KAZN: variants seen among roughly 807,000 people sequenced by gnomAD.
KAZN encodes the protein kazrin, periplakin interacting protein.
KAZN carries 40 observed loss-of-function variants against 87.4 expected under a neutral mutation model. That is an observed-to-expected ratio of 0.46 (90% CI 0.36 to 0.60). The LOEUF is 0.60. Among genes scored for constraint, KAZN ranks in the 20% least tolerant of loss-of-function variants. The pLI is 0.00. For missense variants in KAZN, 898 were observed against 1,073.9 expected (o/e 0.84, Z 2.29); for synonymous variants, 466 against 458.3 (o/e 1.02, Z -0.22).
chr1:14,798,416 CTTTTTTTTTTTTTT>C (rs545959773), intron 1 of KAZN, among the ~76,000 whole-genome samples: 4 of 88,148 alleles, frequency 4.5e-5, no homozygotes, highest in Admixed American at 1.6e-4. Context: ...TGTTTCTTTC[CTTTTTTTTTTTTTT>C]TTTTTTTTTT....
At chr1:14,487,273 A>G (rs145439836) in intron 2 of KAZN, among the ~76,000 whole-genome samples, 280 of 152,342 alleles carry the variant, frequency 1.8e-3, no homozygotes, top group African/African-American at 6.5e-3. Context: ...TTTTCCATAT[A>G]GCTAACTAAA....
chr1:14,171,944 A>G (rs1645962817), intron 1 of KAZN, among the ~76,000 whole-genome samples: 2 of 152,038 alleles, frequency 1.3e-5, no homozygotes, highest in Non-Finnish European at 1.5e-5. Flanking sequence ...TTTGCTAATG[A>G]CACAAAATGT....
chr1:14,093,578 G>A (rs1487094823), intron 1 of KAZN, among the ~76,000 whole-genome samples: 1 of 151,950 alleles, frequency 6.6e-6, no homozygotes, highest in Non-Finnish European at 1.5e-5. Flanking sequence ...CACTGTCCAA[G>A]AAAAGCCCTG....
chr1:13,983,028 G>A (rs1194456435), intron 1 of KAZN, among the ~76,000 whole-genome samples: 1 of 152,194 alleles, frequency 6.6e-6, no homozygotes, highest in East Asian at 1.9e-4. Flanking sequence ...GCCCATTGGT[G>A]TATTTACAAT....
chr1:14,788,947 AGTTACCTTTACCTGGGAAG>A (rs1645592376), intron 1 of KAZN, among the ~76,000 whole-genome samples: 1 of 152,148 alleles, frequency 6.6e-6, no homozygotes, highest in Non-Finnish European at 1.5e-5. Context: ...TTACAAACGC[AGTTACCTTTACCTGGGAAG>A]GTTACCTTTA....
intron 1 of KAZN, among the ~76,000 whole-genome samples, chr1:14,751,365 C>T (rs2100492158): frequency 6.6e-6 from 1 of 152,318 alleles, no homozygotes; most frequent in Admixed American, 6.5e-5. Flanking sequence ...AGTTACCTTC[C>T]TTGTCATTGA....
chr1:14,233,416 T>C (rs1407296182), intron 2 of KAZN, among the ~76,000 whole-genome samples: 1 of 152,220 alleles, frequency 6.6e-6, no homozygotes, highest in Non-Finnish European at 1.5e-5. Flanking sequence ...ATTGCAGGTG[T>C]GAGCCACTGC....
intron 1 of KAZN, among the ~76,000 whole-genome samples, chr1:14,629,244 T>C (rs1557848733): frequency 6.6e-6 from 1 of 152,062 alleles, no homozygotes. Flanking sequence ...GGTGTTGGGG[T>C]TGGCGTGTGT....
At chr1:14,316,250 G>T (rs1364628771) in intron 2 of KAZN, among the ~76,000 whole-genome samples, 2 of 151,944 alleles carry the variant, frequency 1.3e-5, no homozygotes, top group African/African-American at 4.8e-5. Context: ...GTTTTCAGTT[G>T]TAAGAGTTCT....
chr1:14,468,637 G>A (rs1668288390), intron 2 of KAZN, among the ~76,000 whole-genome samples: 1 of 152,172 alleles, frequency 6.6e-6, no homozygotes, highest in Non-Finnish European at 1.5e-5. Flanking sequence ...TTTGCCCTGG[G>A]CATGAACATT....
In KAZN at chr1:14,208,838, A is replaced by T. The variant is rs115714588; in HGVS notation, c.249+28246A>T. Among the ~76,000 whole-genome samples the T allele has an allele frequency of 8.3e-3, 1,261 of 152,254 alleles. 18 individuals are homozygous for T. The highest frequency in any genetic ancestry group is 0.029 in the African/African-American group (1,221 of 41,540). Reference sequence around the variant, plus strand: ...GGGTTGAGTCACGGCCTATGGTCTTACCTCTCCAAGAGTTGCTTCTTCAAT... The same window carrying T: ...GGGTTGAGTCACGGCCTATGGTCTTTCCTCTCCAAGAGTTGCTTCTTCAAT... On this transcript the variant is annotated intron_variant, in intron 2 of 16. Coordinates refer to the KAZN transcript ENST00000636203.
intron 1 of KAZN, among the ~76,000 whole-genome samples, chr1:14,936,733 A>G (rs1414735992): frequency 6.6e-6 from 1 of 152,150 alleles, no homozygotes; most frequent in Admixed American, 6.5e-5. Flanking sequence ...ATTCTGGAAG[A>G]GGGTTTTTTT....
At chr1:14,619,560 C>A (rs1287805265) in intron 1 of KAZN, among the ~76,000 whole-genome samples, 1 of 152,096 alleles carries the variant, frequency 6.6e-6, no homozygotes, top group African/African-American at 2.4e-5. Context: ...CCATTTAAAT[C>A]ATTTTAAAAT....
At chr1:15,018,076 T>A (rs553498111) in intron 2 of KAZN, among the ~76,000 whole-genome samples, 1 of 152,014 alleles carries the variant, frequency 6.6e-6, no homozygotes, top group Non-Finnish European at 1.5e-5. Context: ...TCCCCCTCCA[T>A]TTTTCTGGGC....
At chr1:14,066,992 A>T (rs763346255) in intron 1 of KAZN, among the ~76,000 whole-genome samples, 1 of 151,834 alleles carries the variant, frequency 6.6e-6, no homozygotes, top group Non-Finnish European at 1.5e-5. Flanking sequence ...TTCCTTGACT[A>T]CCCTATCTCA....
intron 1 of KAZN, among the ~76,000 whole-genome samples, chr1:14,724,004 T>C (rs1031882627): frequency 6.6e-6 from 1 of 152,196 alleles, no homozygotes; most frequent in Non-Finnish European, 1.5e-5. Context: ...CTCTGTACTT[T>C]CAGCTTCGTA....
At chr1:14,474,419 A>G (rs1026333044) in intron 2 of KAZN, among the ~76,000 whole-genome samples, 2 of 152,216 alleles carry the variant, frequency 1.3e-5, no homozygotes, top group African/African-American at 4.8e-5. Flanking sequence ...AGTTCTACAT[A>G]ATGAGAAAGA....
chr1:14,055,090 G>A (rs985395291), intron 1 of KAZN, among the ~76,000 whole-genome samples: 1 of 152,172 alleles, frequency 6.6e-6, no homozygotes, highest in African/African-American at 2.4e-5. Context: ...CCCATGGAAG[G>A]GTGAGGAAGG....
At chr1:14,385,856 C>A (rs1313024863) in intron 2 of KAZN, among the ~76,000 whole-genome samples, 3 of 147,402 alleles carry the variant, frequency 2.0e-5, no homozygotes, top group Admixed American at 6.8e-5. Context: ...GAGTTCAATT[C>A]CTGGGTATCC....
Sources: gnomAD v4.1 joint callset for allele counts (sites outside exome capture counted in the v4.1 genomes callset) on GRCh38, gnomAD v4.1.1 for gene constraint, MANE v1.5 for transcripts, NCBI Gene and HGNC (gene_info 2026-07-23, HGNC 2026-07-21) for gene names.